Variants in GABBR2 observed in about 807,000 individuals in gnomAD.
GABBR2 encodes G-protein coupled receptor 51.
In GABBR2, 23 loss-of-function variants were observed where a neutral mutation model predicts 105.6. The ratio of observed to expected loss-of-function variants is 0.22; its 90% CI spans 0.16 to 0.31. The LOEUF is 0.31. Among genes scored for constraint, GABBR2 ranks in the 10% least tolerant of loss-of-function variants. GABBR2 has a pLI of 1.00. For missense variants in GABBR2, 734 were observed against 1,245.5 expected (o/e 0.59, Z 6.18); for synonymous variants, 478 against 499.7 (o/e 0.96, Z 0.58).
At position 98,578,164 on chromosome 9, in the gene GABBR2, AC is replaced by A. The variant is rs1163774216; in HGVS notation, c.322-93del. The A allele has an allele frequency of 3.5e-6, 5 of 1,416,040 alleles. No homozygotes were observed. In the Admixed American group the frequency reaches 5.5e-5, roughly 16 times the overall value. 87.7% of individuals were successfully genotyped at this position (1,416,040 alleles called of 1,614,324 possible). A position where few individuals can be genotyped will look rare whatever the true frequency, so the allele number is the denominator to read the frequency against. On this transcript the variant is annotated intron_variant, in intron 1 of 18. Transcript: ENST00000259455. ...AACAAACAAATCTTTCCTCATGGAA[AC>A]CTTCTGGGTTTCAGTTCTCCCATGG...
chr9:98,681,733 T>C (rs1367666081), intron 1 of GABBR2, among the ~76,000 whole-genome samples: 1 of 149,466 alleles, frequency 6.7e-6, no homozygotes, highest in Non-Finnish European at 1.5e-5. Flanking sequence ...CACCAATTCC[T>C]CTTTTTGATC....
At chr9:98,320,339 A>G (rs1307235685) in intron 13 of GABBR2, among the ~76,000 whole-genome samples, 1 of 151,806 alleles carries the variant, frequency 6.6e-6, no homozygotes, top group Non-Finnish European at 1.5e-5. Flanking sequence ...CAGGTGCTGG[A>G]GAGGATGTGG....
At position 98,454,257 on chromosome 9, in the gene GABBR2, C is replaced by T. The variant is rs770903240; in HGVS notation, c.1000-40G>A. On this transcript the variant is annotated intron_variant, in intron 6 of 18. Transcript: ENST00000259455. This position sits in a 1 kb window ranked among gnomAD's most constrained non-coding sequence, Gnocchi z 4.6. Reference sequence around the variant, plus strand: ...GATTGGGGGAATCCCAAGTTATACTCGGCAGGGACATCAGGTGCCTGATGC... The same window carrying T: ...GATTGGGGGAATCCCAAGTTATACTTGGCAGGGACATCAGGTGCCTGATGC... The T allele has an allele frequency of 1.0e-5, 14 of 1,392,252 alleles. No individual in the cohort carries two copies. Among genetic ancestry groups the T allele is most frequent in the Middle Eastern group, 3.5e-4 (2 of 5,652 alleles). The allele number at this position is 1,392,252 out of a possible 1,614,324, so 86.2% of individuals were successfully genotyped here. A position where few individuals can be genotyped will look rare whatever the true frequency, so the allele number is the denominator to read the frequency against.
chr9:98,705,020 T>G (rs1830876205), intron 1 of GABBR2, among the ~76,000 whole-genome samples: 3 of 152,202 alleles, frequency 2.0e-5, no homozygotes, highest in African/African-American at 7.2e-5. Flanking sequence ...ATGGTACATT[T>G]ACCTTTTTAC....
At chr9:98,545,069 G>A (rs1762593645) in intron 2 of GABBR2, among the ~76,000 whole-genome samples, 1 of 152,126 alleles carries the variant, frequency 6.6e-6, no homozygotes, top group African/African-American at 2.4e-5. Flanking sequence ...ATACAATTTG[G>A]AAAATATTGG....
chr9:98,526,268 A>G (rs1191492199), intron 3 of GABBR2, among the ~76,000 whole-genome samples: 1 of 151,830 alleles, frequency 6.6e-6, no homozygotes, highest in East Asian at 1.9e-4. Context: ...CTCTTGCCCC[A>G]CCTCCACTCC....
chr9:98,603,239 A>G (rs1159752568), intron 1 of GABBR2, among the ~76,000 whole-genome samples: 1 of 152,192 alleles, frequency 6.6e-6, no homozygotes, highest in Non-Finnish European at 1.5e-5. Flanking sequence ...AAGATCCCCA[A>G]AGGCTGGAAA....
chr9:98,449,607 G>C (rs1826197907), intron 7 of GABBR2, among the ~76,000 whole-genome samples: 1 of 152,238 alleles, frequency 6.6e-6, no homozygotes, highest in Admixed American at 6.5e-5. Flanking sequence ...CGCCCTGGAA[G>C]ATTCTCATGC....
chr9:98,676,362 T>C (rs913291293), intron 1 of GABBR2, among the ~76,000 whole-genome samples: 24 of 152,264 alleles, frequency 1.6e-4, no homozygotes, highest in African/African-American at 5.5e-4. Flanking sequence ...AACTATAAGA[T>C]AATAAATTTG....
At chr9:98,460,526 T>C (rs1056237812) in intron 6 of GABBR2, among the ~76,000 whole-genome samples, 5 of 151,968 alleles carry the variant, frequency 3.3e-5, no homozygotes, top group African/African-American at 1.2e-4. Flanking sequence ...AAGAATTCAA[T>C]AGATAGGTGA....
intron 7 of GABBR2, among the ~76,000 whole-genome samples, chr9:98,433,817 A>C (rs1233524593): frequency 4.6e-5 from 7 of 152,288 alleles, no homozygotes; most frequent in Admixed American, 3.9e-4. Context: ...CTCAGAAGAC[A>C]ATGTGGTCCT....
chr9:98,587,044 A>G (rs1265813581), intron 1 of GABBR2, among the ~76,000 whole-genome samples: 1 of 152,230 alleles, frequency 6.6e-6, no homozygotes, highest in East Asian at 1.9e-4. Flanking sequence ...TCCCAACAGC[A>G]GTGTTTTAGA....
At chr9:98,673,311 G>C (rs1830430068) in intron 1 of GABBR2, among the ~76,000 whole-genome samples, 1 of 152,182 alleles carries the variant, frequency 6.6e-6, no homozygotes, top group African/African-American at 2.4e-5. Context: ...TAGCCAAATA[G>C]ATAATCGCCT....
At chr9:98,557,069 G>A (rs918207146) in intron 2 of GABBR2, among the ~76,000 whole-genome samples, 4 of 152,090 alleles carry the variant, frequency 2.6e-5, no homozygotes, top group African/African-American at 9.7e-5. Flanking sequence ...AACACACTGA[G>A]AACTTGGAAT....
Position 98,389,039 on chromosome 9 carries a change from A to G in GABBR2, c.1379-35T>C, listed in dbSNP as rs369785853. The G allele has an allele frequency of 7.3e-5, 115 of 1,580,598 alleles. No individual in the cohort carries two copies. In the African/African-American group the frequency reaches 1.0e-3, roughly 14 times the overall value. ...CAAGAGAAGACATCAGTGGGACCCA[A>G]TGCAAGTCATTCCCCGAGAACACCT... On this transcript the variant is annotated intron_variant, in intron 9 of 18. Transcript: ENST00000259455.
chr9:98,433,745 C>A (rs774566120), intron 7 of GABBR2, among the ~76,000 whole-genome samples: 1 of 152,084 alleles, frequency 6.6e-6, no homozygotes, highest in Non-Finnish European at 1.5e-5. Context: ...GGGGCCACAG[C>A]CCCCAGACAA....
intron 11 of GABBR2, among the ~76,000 whole-genome samples, chr9:98,375,744 C>T (rs1233310751): frequency 2.0e-5 from 2 of 100,130 alleles, no homozygotes; most frequent in Admixed American, 8.9e-5. Flanking sequence ...TTGGAAGACT[C>T]CCCCCCTTCT....
chr9:98,611,659 C>T (rs556485885), intron 1 of GABBR2, among the ~76,000 whole-genome samples: 9 of 152,228 alleles, frequency 5.9e-5, no homozygotes, highest in African/African-American at 2.2e-4. Flanking sequence ...GTTAAGAAAA[C>T]GAGAAAGTGC....
chr9:98,691,653 A>G (rs982185679), intron 1 of GABBR2, among the ~76,000 whole-genome samples: 15 of 152,142 alleles, frequency 9.9e-5, no homozygotes, highest in Non-Finnish European at 1.6e-4. Context: ...CTCTCTGTCC[A>G]CAGTGTCTCT....
Sources: gnomAD v4.1 joint callset for allele counts (sites outside exome capture counted in the v4.1 genomes callset) on GRCh38, gnomAD v4.1.1 for gene constraint, Gnocchi (gnomAD v3.1) non-coding constraint, MANE v1.5 for transcripts, NCBI Gene and HGNC (gene_info 2026-07-23, HGNC 2026-07-21) for gene names.